CDCA7L: variants seen among roughly 807,000 people sequenced by gnomAD.
CDCA7L encodes the protein cell division cycle-associated 7-like protein.
CDCA7L carries 44 observed loss-of-function variants against 57.4 expected under a neutral mutation model. The observed-to-expected ratio is 0.77, with a 90% CI of 0.60 to 0.98. The LOEUF is 0.98. Among genes scored for constraint, CDCA7L ranks in the 50% least tolerant of loss-of-function variants. The pLI is 0.00. For missense variants in CDCA7L, 644 were observed against 580.6 expected, an observed-to-expected ratio of 1.11 and a Z score of -1.12; for synonymous variants, 236 against 202.8, an observed-to-expected ratio of 1.16 and a Z score of -1.39.
intron 1 of CDCA7L, among the ~76,000 whole-genome samples, chr7:21,918,133 T>C (rs563860001): frequency 2.0e-5 from 3 of 152,230 alleles, no homozygotes; most frequent in African/African-American, 7.2e-5. Flanking sequence ...TACTCCTCAA[T>C]GCATTGCATA....
rs774873960 is a variant in CDCA7L, at chr7:21,903,102, G to GA, written c.1209dup (p.Pro404SerfsTer16). 6.2e-7 allele frequency: 1 copy of GA among 1,613,666 alleles called. No homozygotes were observed. Among genetic ancestry groups the GA allele is most frequent in the South Asian group, 1.1e-5 (1 of 90,998 alleles). ...CAATTGCAGATCCCACGACAGGGGG[G>GA]ACACACCCAATCCTAACAGAGAGAT... On this transcript the variant is annotated frameshift_variant, in exon 9 of 10. Transcript: ENST00000406877. LOFTEE classifies it high-confidence loss of function.
chr7:21,938,441 C>T (rs1262079864), intron 1 of CDCA7L, among the ~76,000 whole-genome samples: 1 of 151,996 alleles, frequency 6.6e-6, no homozygotes, highest in African/African-American at 2.4e-5. Context: ...CACTCGTGCA[C>T]TGCTTATGAT....
rs749434728 is a variant in CDCA7L at position 21,902,331 on chromosome 7, T to G, written c.1356A>C (p.Glu452Asp). ...YLESLQKELV[E>D]DN Reference sequence around the variant, plus strand: ...TCTGTTTGTTTTCCTCTTAATTGTCTTCTACCAGCTCCTTTTGTAAGCTGG... The same window carrying G: ...TCTGTTTGTTTTCCTCTTAATTGTCGTCTACCAGCTCCTTTTGTAAGCTGG... The change falls in exon 10 of 10, where the codon GAA (glutamate) becomes GAC (aspartate). Residue 452 changes from glutamate to aspartate, a missense_variant. Transcript: ENST00000406877. 1 of 1,613,954 alleles carries G rather than the reference T, an allele frequency of 6.2e-7. No homozygotes were observed. Among genetic ancestry groups the G allele is most frequent in the South Asian group, 1.1e-5 (1 of 91,074 alleles).
Position 21,906,385 on chromosome 7 carries a change from C to A in CDCA7L, c.825G>T (p.Ala275=), listed in dbSNP as rs370506709. The change falls in exon 6 of 10, where the codon GCG becomes GCT. Residue 275 remains alanine, a synonymous_variant. Coordinates refer to ENST00000406877, the MANE Select transcript of CDCA7L (RefSeq NM_018719.5). ...ITRRMNPTRS[A]RPPEKFALEN... The stretch of plus-strand genomic sequence containing the variant: ...CTAGAGCAAACTTCTCAGGAGGCCG[C>A]GCACTCCGGGTTGGGTTCATACGCC... 3 of 1,613,828 alleles carry A rather than the reference C, an allele frequency of 1.9e-6. No homozygotes were observed. In the South Asian group the frequency reaches 3.3e-5, roughly 18 times the overall value.
intron 1 of CDCA7L, among the ~76,000 whole-genome samples, chr7:21,936,640 A>C (rs1786174769): frequency 1.3e-5 from 2 of 152,174 alleles, no homozygotes; most frequent in Admixed American, 1.3e-4. Context: ...CAGAAAAAAA[A>C]AAAATAGAAG....
chr7:21,942,120 G>C (rs1786359649), intron 1 of CDCA7L, among the ~76,000 whole-genome samples: 1 of 152,178 alleles, frequency 6.6e-6, no homozygotes, highest in Non-Finnish European at 1.5e-5. Flanking sequence ...TATCTGATCA[G>C]TGTACTAACC....
At chr7:21,927,086 G>GA (rs1785852961) in intron 1 of CDCA7L, among the ~76,000 whole-genome samples, 1 of 152,102 alleles carries the variant, frequency 6.6e-6, no homozygotes, top group South Asian at 2.1e-4. Flanking sequence ...GCCACTTCTC[G>GA]AATATTTAAT....
At chr7:21,945,717 C>G in intron 1 of CDCA7L, 64 bp downstream of exon 1, 2 of 1,591,440 alleles carry the variant, frequency 1.3e-6, no homozygotes, top group Non-Finnish European at 1.7e-6. Flanking sequence ...CCAGCAGGAC[C>G]GGGTGGCAAA....
chr7:21,925,362 G>A (rs574817492), intron 1 of CDCA7L, among the ~76,000 whole-genome samples: 73 of 152,198 alleles, frequency 4.8e-4, no homozygotes, highest in African/African-American at 1.5e-3. Context: ...ATTTTTAAGG[G>A]CATGCTCAAT....
At chr7:21,911,541 T>A in intron 3 of CDCA7L, 76 bp downstream of exon 3, 1 of 1,479,488 alleles carries the variant, frequency 6.8e-7, no homozygotes, top group South Asian at 1.4e-5. Context: ...GTGAAGTGAC[T>A]GCTTACAAGT....
At chr7:21,906,685 A>G in intron 4 of CDCA7L, 46 bp from the exon 5 acceptor site, 1 of 1,586,986 alleles carries the variant, frequency 6.3e-7, no homozygotes, top group Non-Finnish European at 8.6e-7. Context: ...ATAGGGCTCC[A>G]GGTTTAGGTC....
At chr7:21,912,576 C>T (rs1274063385) in intron 2 of CDCA7L, among the ~76,000 whole-genome samples, 1 of 152,306 alleles carries the variant, frequency 6.6e-6, no homozygotes, top group Non-Finnish European at 1.5e-5. Context: ...CCTTTCAAAG[C>T]CGGAGTCTCC....
chr7:21,921,449 T>C (rs1354384149), intron 1 of CDCA7L, among the ~76,000 whole-genome samples: 2 of 151,680 alleles, frequency 1.3e-5, no homozygotes, highest in East Asian at 1.9e-4. Flanking sequence ...AAGGACCTGA[T>C]AGAAAGGATA....
intron 4 of CDCA7L, among the ~76,000 whole-genome samples, chr7:21,907,358 A>G (rs925123380): frequency 3.8e-4 from 58 of 152,338 alleles, no homozygotes; most frequent in African/African-American, 1.4e-3. Context: ...TAAGTAATTT[A>G]TATTAGACAT....
chr7:21,901,060 C>T lies in CDCA7L; in HGVS notation c.*1262G>A. 8.1e-6 allele frequency: 13 copies of T among 1,613,466 alleles called. No homozygotes were observed. In the South Asian group the frequency reaches 1.4e-4, roughly 18 times the overall value. On this transcript the variant is annotated 3_prime_UTR_variant, in exon 10 of 10. Coordinates refer to ENST00000406877, the MANE Select transcript of CDCA7L (RefSeq NM_018719.5). ...CATTGTTGAAGCCCGTCTCAAGGAG[C>T]TGGCATGCCCTATGCCGGTCATCTT... is the stretch of plus-strand genomic sequence containing the variant.
chr7:21,912,104 A>C (rs1785348730), intron 2 of CDCA7L, among the ~76,000 whole-genome samples: 1 of 152,020 alleles, frequency 6.6e-6, no homozygotes, highest in African/African-American at 2.4e-5. Context: ...TCTGCAAAAA[A>C]TACAAAAATT....
intron 1 of CDCA7L, chr7:21,944,845 T>C (rs945490699): frequency 2.7e-5 from 4 of 147,750 alleles, no homozygotes; most frequent in African/African-American, 7.6e-5. Flanking sequence ...GTGGAAGCAG[T>C]GAGTCTCGCG....
intron 1 of CDCA7L, among the ~76,000 whole-genome samples, chr7:21,944,449 C>CAACAA (rs1786444890): frequency 1.6e-5 from 1 of 61,658 alleles, no homozygotes; most frequent in African/African-American, 9.0e-5. Flanking sequence ...ACTCCGTCTC[C>CAACAA]AAAAAAAAAA....
chr7:21,920,224 G>T (rs970760415), intron 1 of CDCA7L, among the ~76,000 whole-genome samples: 1 of 152,044 alleles, frequency 6.6e-6, no homozygotes, highest in Non-Finnish European at 1.5e-5. Flanking sequence ...CATTACATTC[G>T]CCCTCATGGA....
Sources: gnomAD v4.1 joint callset for allele counts (sites outside exome capture counted in the v4.1 genomes callset) on GRCh38, gnomAD v4.1.1 for gene constraint, MANE v1.5 for transcripts, NCBI Gene and HGNC (gene_info 2026-07-23, HGNC 2026-07-21) for gene names.